The following DMD variants were observed in gnomAD, a reference collection of about 807,000 sequenced individuals.
The protein encoded by DMD is mutant dystrophin.
Under a neutral mutation model 330.1 loss-of-function variants are expected in DMD, and 63 were observed. The observed-to-expected ratio is 0.19, with a 90% CI of 0.16 to 0.24. The LOEUF (loss-of-function observed/expected upper bound fraction) is 0.24. Among genes scored for constraint, DMD ranks in the 10% least tolerant of loss-of-function variants. The pLI is 1.00. For missense variants in DMD, 3,344 were observed against 2,684.1 expected, an observed-to-expected ratio of 1.25 and a Z score of -5.43; for synonymous variants, 1,223 against 959.8, an observed-to-expected ratio of 1.27 and a Z score of -5.07.
At chrX:32,118,873 C>A (rs879251887) in intron 44 of DMD, among the ~76,000 whole-genome samples, 1 of 110,905 alleles carries the variant, frequency 9.0e-6, no homozygotes, top group East Asian at 2.9e-4. Flanking sequence ...AAGGAGCACA[C>A]AACCTAGATC....
At chrX:33,224,322 AAAC>A (rs1466877474) in intron 1 of DMD, among the ~76,000 whole-genome samples, 1 of 112,309 alleles carries the variant, frequency 8.9e-6, no homozygotes, top group Non-Finnish European at 1.9e-5. Flanking sequence ...CTGAACTTGG[AAAC>A]AACAAGATGT....
chrX:31,218,877 G>A (rs997325749), intron 64 of DMD, among the ~76,000 whole-genome samples: 8 of 110,842 alleles, frequency 7.2e-5, no homozygotes, highest in Admixed American at 1.9e-4. Flanking sequence ...CCCAGTTCTC[G>A]CTCCAATTCT....
intron 51 of DMD, among the ~76,000 whole-genome samples, chrX:31,769,545 A>C (rs2090210316): frequency 8.9e-6 from 1 of 111,834 alleles, no homozygotes; most frequent in Non-Finnish European, 1.9e-5. Context: ...CCACACTGGA[A>C]GAAGAATTGT....
chrX:32,022,093 A>G (rs969107285), intron 44 of DMD, among the ~76,000 whole-genome samples: 3 of 111,717 alleles, frequency 2.7e-5, no homozygotes, highest in African/African-American at 9.7e-5. Context: ...AATCATTCAA[A>G]AGCAATGAGA....
At chrX:33,330,608 G>T (rs2054158471) in intron 1 of DMD, among the ~76,000 whole-genome samples, 1 of 111,639 alleles carries the variant, frequency 9.0e-6, no homozygotes, top group African/African-American at 3.3e-5. Flanking sequence ...CCTCCTGAAA[G>T]TTTGCATGGT....
At chrX:31,932,352 C>T (rs2094867029) in intron 45 of DMD, 125 bp from the exon 46 acceptor site, 3 of 507,757 alleles carry the variant, frequency 5.9e-6, no homozygotes, top group African/African-American at 2.4e-5. Context: ...GTTAACCATA[C>T]ATAATTTAAG....
At chrX:32,118,601 C>T (rs1354345984) in intron 44 of DMD, among the ~76,000 whole-genome samples, 1 of 111,273 alleles carries the variant, frequency 9.0e-6, no homozygotes, top group Non-Finnish European at 1.9e-5. Context: ...CACCCCACAG[C>T]TACCTTATCA....
At chrX:32,629,162 C>G (rs761300942) in intron 11 of DMD, among the ~76,000 whole-genome samples, 1 of 111,620 alleles carries the variant, frequency 9.0e-6, no homozygotes, top group South Asian at 3.7e-4. Flanking sequence ...CTCTCTAACT[C>G]TAATAATATT....
intron 62 of DMD, among the ~76,000 whole-genome samples, chrX:31,322,000 G>A (rs1460163716): frequency 8.9e-6 from 1 of 111,847 alleles, no homozygotes. Context: ...GGACCGGGGA[G>A]ACCCTAGCAA....
chrX:32,354,871 C>A (rs1261749345), intron 37 of DMD, among the ~76,000 whole-genome samples: 1 of 111,423 alleles, frequency 9.0e-6, no homozygotes, highest in Non-Finnish European at 1.9e-5. Flanking sequence ...CTGCTTCCTA[C>A]TGTCGACCTT....
At chrX:33,062,466 T>C (rs1449036139) in intron 1 of DMD, among the ~76,000 whole-genome samples, 1 of 111,857 alleles carries the variant, frequency 8.9e-6, no homozygotes, top group Non-Finnish European at 1.9e-5. Flanking sequence ...ACAATTTTTG[T>C]TTTTATTTAT....
chrX:31,466,025 T>C (rs1465016443), intron 59 of DMD, among the ~76,000 whole-genome samples: 1 of 112,336 alleles, frequency 8.9e-6, no homozygotes. Context: ...CAATTTTTGA[T>C]TAGGTTTTTT....
intron 1 of DMD, among the ~76,000 whole-genome samples, chrX:33,320,270 T>C (rs751555712): frequency 5.2e-4 from 58 of 111,716 alleles, no homozygotes; most frequent in African/African-American, 1.8e-3. Context: ...TGTTTTGTTT[T>C]TATCATGATG....
At chrX:33,200,779 T>G (rs184329200) in intron 1 of DMD, among the ~76,000 whole-genome samples, 2 of 110,441 alleles carry the variant, frequency 1.8e-5, no homozygotes, top group African/African-American at 6.6e-5. Context: ...CTATAGCTTA[T>G]CCAAAGATCA....
chrX:32,596,238 A>G (rs2149266802), intron 12 of DMD, among the ~76,000 whole-genome samples: 1 of 110,231 alleles, frequency 9.1e-6, no homozygotes, highest in East Asian at 2.9e-4. Flanking sequence ...CATAAAAATA[A>G]AACAAACTCT....
intron 1 of DMD, among the ~76,000 whole-genome samples, chrX:33,258,774 C>A (rs1309925398): frequency 9.0e-6 from 1 of 110,950 alleles, no homozygotes; most frequent in African/African-American, 3.3e-5. Context: ...ACTGTAGGAT[C>A]ATCTGCCGCT....
At chrX:32,111,842 C>T (rs2096590829) in intron 44 of DMD, among the ~76,000 whole-genome samples, 1 of 111,450 alleles carries the variant, frequency 9.0e-6, no homozygotes, top group South Asian at 3.7e-4. Flanking sequence ...ATTTAATTAC[C>T]AATAATCTTT....
At chrX:32,238,993 T>C (rs2097198266) in intron 43 of DMD, among the ~76,000 whole-genome samples, 1 of 112,015 alleles carries the variant, frequency 8.9e-6, no homozygotes, top group African/African-American at 3.2e-5. Flanking sequence ...TTAACATCTA[T>C]TATTTGAATG....
chrX:32,664,618 T>C (rs1340477913), intron 9 of DMD, among the ~76,000 whole-genome samples: 1 of 111,955 alleles, frequency 8.9e-6, no homozygotes, highest in Non-Finnish European at 1.9e-5. Context: ...AGATGTTCAT[T>C]TGGGGCAACT....
Sources: allele counts gnomAD v4.1 joint callset (sites outside exome capture counted in the v4.1 genomes callset), GRCh38; gene constraint gnomAD v4.1.1; transcripts MANE v1.5; gene names NCBI Gene and HGNC (gene_info 2026-07-23, HGNC 2026-07-21).